The following RBFOX1 variants were observed in gnomAD, a reference collection of about 807,000 sequenced individuals.
RBFOX1 encodes RNA binding fox-1 homolog 1, also known as RNA binding protein fox-1 homolog 1.
RBFOX1 carries 8 observed loss-of-function variants against 57.7 expected under a neutral mutation model. That is an observed-to-expected ratio of 0.14 (90% CI 0.08 to 0.25). The LOEUF (loss-of-function observed/expected upper bound fraction) is 0.25. Among genes scored for constraint, RBFOX1 ranks in the 10% least tolerant of loss-of-function variants. RBFOX1 has a pLI of 1.00. For missense variants in RBFOX1, 611 were observed against 548.5 expected (o/e 1.11, Z -1.14); for synonymous variants, 326 against 222.4 (o/e 1.47, Z -4.15).
chr16:6,859,534 G>A (rs1018240234), intron 3 of RBFOX1, among the ~76,000 whole-genome samples: 8 of 151,882 alleles, frequency 5.3e-5, no homozygotes, highest in Non-Finnish European at 8.8e-5. Context: ...CCAAATGTGA[G>A]TGGTTTTTAT....
chr16:7,364,894 A>G (rs996435790), intron 4 of RBFOX1, among the ~76,000 whole-genome samples: 2 of 152,236 alleles, frequency 1.3e-5, no homozygotes, highest in African/African-American at 4.8e-5. Context: ...AGATGCTGTT[A>G]GGAAGGTGTA....
chr16:5,374,714 GT>G (rs60956026), intron 1 of RBFOX1, among the ~76,000 whole-genome samples: 121 of 144,300 alleles, frequency 8.4e-4, no homozygotes, highest in South Asian at 3.5e-3. Flanking sequence ...ATCTCTATGT[GT>G]TTTTTTTTTT....
At chr16:7,409,808 T>C (rs988719341) in intron 4 of RBFOX1, among the ~76,000 whole-genome samples, 3 of 152,210 alleles carry the variant, frequency 2.0e-5, no homozygotes, top group African/African-American at 7.2e-5. Context: ...GGTCAGGAGC[T>C]GTGAAATTTC....
At chr16:7,234,279 A>C (rs962271492) in intron 4 of RBFOX1, among the ~76,000 whole-genome samples, 9 of 152,030 alleles carry the variant, frequency 5.9e-5, no homozygotes, top group African/African-American at 2.2e-4. Flanking sequence ...AGAGCAAAAG[A>C]GCTCATTTCT....
chr16:7,023,950 A>G (rs1303453996), intron 3 of RBFOX1, among the ~76,000 whole-genome samples: 2 of 152,130 alleles, frequency 1.3e-5, no homozygotes, highest in Admixed American at 6.5e-5. Flanking sequence ...CATGAGGGCA[A>G]TAGCTGTCAC....
At chr16:6,616,604 G>A (rs1287030330) in intron 2 of RBFOX1, among the ~76,000 whole-genome samples, 1 of 152,204 alleles carries the variant, frequency 6.6e-6, no homozygotes, top group Non-Finnish European at 1.5e-5. Context: ...TGAACCTGGA[G>A]GCGGAGCTTG....
At chr16:6,608,524 C>A (rs1354723487) in intron 2 of RBFOX1, among the ~76,000 whole-genome samples, 1 of 152,086 alleles carries the variant, frequency 6.6e-6, no homozygotes, top group Non-Finnish European at 1.5e-5. Flanking sequence ...TATGGTGGCT[C>A]ACATGTGTAA....
intron 3 of RBFOX1, among the ~76,000 whole-genome samples, chr16:5,639,964 C>T (rs767870439): frequency 2.0e-5 from 3 of 152,196 alleles, no homozygotes; most frequent in South Asian, 2.1e-4. Flanking sequence ...CTGCCCAGAG[C>T]CTTGTTTTCT....
rs577828133 is a variant in RBFOX1 at position 7,042,552 on chromosome 16, G to T, written c.-15-9505G>T. On this transcript the variant is annotated intron_variant, in intron 3 of 15. Coordinates refer to ENST00000550418, the MANE Select transcript of RBFOX1 (RefSeq NM_018723.4). ...GAGAATTAACTAAGCTTATAACTAG[G>T]AACTGTTTAGCACATTTTATGACAT... Among the ~76,000 whole-genome samples the T allele has an allele frequency of 2.0e-5, 3 of 152,310 alleles. No individual in the cohort carries two copies. In the East Asian group the frequency reaches 5.8e-4, roughly 29 times the overall value.
At chr16:5,944,968 A>G (rs1455317245) in intron 4 of RBFOX1, among the ~76,000 whole-genome samples, 20 of 125,030 alleles carry the variant, frequency 1.6e-4, no homozygotes, top group African/African-American at 5.8e-4. Context: ...CTGTCATAAA[A>G]AAAAAAAAAA....
chr16:6,786,089 G>T (rs1031083550), intron 3 of RBFOX1, among the ~76,000 whole-genome samples: 3 of 152,220 alleles, frequency 2.0e-5, no homozygotes, highest in Non-Finnish European at 4.4e-5. Context: ...TTCAGGGCCT[G>T]GAGTGGGCTT....
Position 7,151,045 on chromosome 16 carries a change from A to G in RBFOX1, c.27+98947A>G, listed in dbSNP as rs147539385. The stretch of plus-strand genomic sequence containing the variant: ...TCCAAAATTATTTTTGTGGTAGCAC[A>G]GAAGTTCTCTCCCTCAAATGACAGA... On this transcript the variant is annotated intron_variant, in intron 4 of 15. Transcript: ENST00000550418. Among the ~76,000 whole-genome samples the G allele has an allele frequency of 3.5e-4, 54 of 152,338 alleles. No individual in the cohort carries two copies. In the East Asian group the frequency reaches 7.3e-3, roughly 21 times the overall value.
chr16:6,598,427 G>A (rs1440993642), intron 2 of RBFOX1, among the ~76,000 whole-genome samples: 1 of 152,168 alleles, frequency 6.6e-6, no homozygotes, highest in Non-Finnish European at 1.5e-5. Flanking sequence ...AGTGTAACCA[G>A]TGTTATAAAA....
At chr16:6,355,206 A>G (rs2087072095) in intron 2 of RBFOX1, among the ~76,000 whole-genome samples, 1 of 152,140 alleles carries the variant, frequency 6.6e-6, no homozygotes, top group Non-Finnish European at 1.5e-5. Flanking sequence ...ACATAGGTAT[A>G]CGTGTGCCAT....
intron 4 of RBFOX1, among the ~76,000 whole-genome samples, chr16:7,097,220 G>C (rs1026189681): frequency 6.6e-6 from 1 of 152,158 alleles, no homozygotes; most frequent in Non-Finnish European, 1.5e-5. Context: ...AAACTGCTAT[G>C]AGGTAGGAGG....
At chr16:7,653,293 G>A (rs1045179706) in intron 11 of RBFOX1, among the ~76,000 whole-genome samples, 2 of 152,114 alleles carry the variant, frequency 1.3e-5, no homozygotes, top group African/African-American at 4.8e-5. Context: ...TTGAACCCAG[G>A]ACTTCAAGAC....
intron 2 of RBFOX1, among the ~76,000 whole-genome samples, chr16:6,517,057 C>G (rs1227107714): frequency 1.3e-5 from 2 of 152,094 alleles, no homozygotes; most frequent in Non-Finnish European, 2.9e-5. Context: ...GCCTCTCATT[C>G]CAAATATAGA....
At chr16:6,778,980 A>G (rs1474938718) in intron 3 of RBFOX1, among the ~76,000 whole-genome samples, 1 of 152,068 alleles carries the variant, frequency 6.6e-6, no homozygotes, top group African/African-American at 2.4e-5. Context: ...AAGTAGCCTA[A>G]CTTTAAATAT....
intron 4 of RBFOX1, among the ~76,000 whole-genome samples, chr16:7,498,073 G>A (rs934819956): frequency 2.6e-5 from 4 of 152,202 alleles, no homozygotes; most frequent in Admixed American, 1.3e-4. Context: ...TGAAAGTTAT[G>A]TTCTGTTCCG....
Sources: allele counts gnomAD v4.1 joint callset (sites outside exome capture counted in the v4.1 genomes callset), GRCh38; gene constraint gnomAD v4.1.1; transcripts MANE v1.5; gene names NCBI Gene and HGNC (gene_info 2026-07-23, HGNC 2026-07-21).